FGF12: variants seen among roughly 807,000 people sequenced by gnomAD.
The protein encoded by FGF12 is fibroblast growth factor 12B.
Under a neutral mutation model 23.6 loss-of-function variants are expected in FGF12, and 14 were observed. The ratio of observed to expected loss-of-function variants is 0.59; its 90% CI spans 0.39 to 0.93. FGF12 has a LOEUF of 0.93. Among genes scored for constraint, FGF12 ranks in the 40% least tolerant of loss-of-function variants. FGF12 has a pLI of 0.00. For synonymous variants in FGF12, 62 were observed against 77.3 expected (o/e 0.80, Z 1.04); for missense variants, 175 against 217.8 (o/e 0.80, Z 1.24).
chr3:192,190,091 T>G (rs1716697754), intron 4 of FGF12, among the ~76,000 whole-genome samples: 1 of 152,198 alleles, frequency 6.6e-6, no homozygotes, highest in South Asian at 2.1e-4. Context: ...AAAAGTTTTT[T>G]TAAAGTTATA....
At chr3:192,588,779 A>G (rs1315411001) in intron 2 of FGF12, among the ~76,000 whole-genome samples, 1 of 152,002 alleles carries the variant, frequency 6.6e-6, no homozygotes, top group Non-Finnish European at 1.5e-5. Flanking sequence ...ATTTGAGTTC[A>G]CTTTCCACTA....
In FGF12 at chr3:192,677,168, G is replaced by A. The variant is rs142229795; in HGVS notation, c.13+50013C>T. Among the ~76,000 whole-genome samples, 460 of 152,196 alleles carry A rather than the reference G, an allele frequency of 3.0e-3. 1 individual carries two copies. Among genetic ancestry groups the A allele is most frequent in the African/African-American group, 0.011 (449 of 41,508 alleles). The stretch of plus-strand genomic sequence containing the variant: ...ACACCTCAACACATACAATAAAGAC[G>A]GCCTGTCAAACAGTGACCTTCCTCC... On this transcript the variant is annotated intron_variant, in intron 2 of 5. Transcript: ENST00000445105.
chr3:192,619,768 G>C (rs1483643143), intron 2 of FGF12, among the ~76,000 whole-genome samples: 1 of 152,046 alleles, frequency 6.6e-6, no homozygotes, highest in Non-Finnish European at 1.5e-5. Flanking sequence ...TTAACATCTT[G>C]AAAAAATAAT....
intron 4 of FGF12, among the ~76,000 whole-genome samples, chr3:192,255,075 G>A (rs1017909622): frequency 6.6e-6 from 1 of 151,938 alleles, no homozygotes; most frequent in Admixed American, 6.6e-5. Context: ...TACCAGCTGT[G>A]AGATCTTGAG....
intron 2 of FGF12, among the ~76,000 whole-genome samples, chr3:192,625,931 A>G (rs1251598913): frequency 6.6e-6 from 1 of 152,214 alleles, no homozygotes; most frequent in African/African-American, 2.4e-5. Context: ...AAGTAAATTG[A>G]TAGCTAGCTT....
intron 5 of FGF12, among the ~76,000 whole-genome samples, chr3:192,154,693 T>A (rs1038141591): frequency 1.4e-5 from 2 of 141,532 alleles, no homozygotes; most frequent in African/African-American, 5.3e-5. Context: ...AGCTGCGTGC[T>A]GGGAGAACCA....
At chr3:192,609,580 T>C (rs559469068) in intron 2 of FGF12, among the ~76,000 whole-genome samples, 2 of 152,062 alleles carry the variant, frequency 1.3e-5, no homozygotes, top group Non-Finnish European at 2.9e-5. Context: ...GTAAGCTTGT[T>C]CTTCTTTCAT....
intron 2 of FGF12, among the ~76,000 whole-genome samples, chr3:192,616,112 T>C (rs1294057208): frequency 2.0e-5 from 3 of 151,974 alleles, no homozygotes; most frequent in African/African-American, 7.2e-5. Flanking sequence ...TTATAGATAC[T>C]TACATGTAAT....
chr3:192,552,543 A>AG (rs1711575660), intron 2 of FGF12, among the ~76,000 whole-genome samples: 1 of 151,610 alleles, frequency 6.6e-6, no homozygotes, highest in South Asian at 2.1e-4. Context: ...ATCAAAAAAA[A>AG]CCCTCATATG....
intron 4 of FGF12, among the ~76,000 whole-genome samples, chr3:192,334,019 G>C (rs1577362582): frequency 6.6e-6 from 1 of 152,088 alleles, no homozygotes; most frequent in East Asian, 1.9e-4. Flanking sequence ...ACCATGGTTT[G>C]TGACAAAATG....
chr3:192,167,759 ATATATATATAAAATTTTT>A (rs1210109533), intron 5 of FGF12, among the ~76,000 whole-genome samples: 24 of 35,450 alleles, frequency 6.8e-4, no homozygotes, highest in African/African-American at 2.4e-3. Flanking sequence ...ATATATATAT[ATATATATATAAAATTTTT>A]TTTTTTTTTT....
chr3:192,550,391 A>G (rs1034757179), intron 2 of FGF12, among the ~76,000 whole-genome samples: 1 of 149,778 alleles, frequency 6.7e-6, no homozygotes, highest in Admixed American at 6.7e-5. Flanking sequence ...TATATAATGT[A>G]ATTACATATA....
chr3:192,297,035 A>G (rs1465097968), intron 4 of FGF12, among the ~76,000 whole-genome samples: 3 of 152,154 alleles, frequency 2.0e-5, no homozygotes, highest in Admixed American at 6.6e-5. Context: ...CATTATCTAG[A>G]CTTGTTTTTG....
chr3:192,596,660 T>A (rs1184837225), intron 2 of FGF12, among the ~76,000 whole-genome samples: 3 of 152,176 alleles, frequency 2.0e-5, no homozygotes, highest in Non-Finnish European at 4.4e-5. Context: ...GAAAACTAGA[T>A]TAAAAATGCC....
chr3:192,345,016 T>A (rs1201369247), intron 3 of FGF12, among the ~76,000 whole-genome samples: 1 of 152,184 alleles, frequency 6.6e-6, no homozygotes, highest in Non-Finnish European at 1.5e-5. Context: ...GGCAGAAACA[T>A]CTTCCAAGAA....
At chr3:192,207,555 G>A (rs1014126780) in intron 4 of FGF12, among the ~76,000 whole-genome samples, 5 of 152,214 alleles carry the variant, frequency 3.3e-5, no homozygotes, top group African/African-American at 1.2e-4. Context: ...GGAGAGTGGG[G>A]AGAAGTGAAG....
chr3:192,249,190 C>A (rs551737260), intron 4 of FGF12, among the ~76,000 whole-genome samples: 61 of 152,154 alleles, frequency 4.0e-4, no homozygotes, highest in Middle Eastern at 3.4e-3. Context: ...AGGTCCCTAG[C>A]AGAATGTCTT....
intron 2 of FGF12, among the ~76,000 whole-genome samples, chr3:192,361,563 C>T (rs1718729164): frequency 6.6e-6 from 1 of 152,144 alleles, no homozygotes; most frequent in Non-Finnish European, 1.5e-5. Context: ...AGGACAATCG[C>T]TGAATTTAAG....
intron 2 of FGF12, among the ~76,000 whole-genome samples, chr3:192,504,698 G>A (rs1218652127): frequency 6.6e-6 from 1 of 152,142 alleles, no homozygotes; most frequent in East Asian, 1.9e-4. Context: ...AGGTAGATGT[G>A]GAACCCAAAT....
Sources: allele counts gnomAD v4.1 joint callset (sites outside exome capture counted in the v4.1 genomes callset), GRCh38; gene constraint gnomAD v4.1.1; transcripts MANE v1.5; gene names NCBI Gene and HGNC (gene_info 2026-07-23, HGNC 2026-07-21).